CDH23: variants seen among roughly 807,000 people sequenced by gnomAD.
CDH23 encodes the protein cadherin related 23, also known as cadherin-23.
A neutral mutation model predicts 317.1 loss-of-function variants in CDH23; 189 were observed. The observed-to-expected ratio is 0.60, with a 90% CI of 0.53 to 0.67. CDH23 has a LOEUF of 0.67. Ranked by LOEUF, CDH23 falls within the 30% of genes least tolerant of loss-of-function variation. The pLI, the probability that CDH23 is intolerant of heterozygous loss-of-function variation, is 0.00. For missense variants in CDH23, 4,401 were observed against 4,592.4 expected (o/e 0.96, Z 1.20); for synonymous variants, 1,839 against 1,876.8 (o/e 0.98, Z 0.52).
intron 27 of CDH23, among the ~76,000 whole-genome samples, chr10:71,711,088 A>G (rs1173808107): frequency 1.3e-5 from 2 of 151,180 alleles, no homozygotes; most frequent in Non-Finnish European, 2.9e-5. Flanking sequence ...CAGCCCGCCC[A>G]TGCCCAGATG....
At chr10:71,727,222 G>T (rs1866854991) in intron 30 of CDH23, among the ~76,000 whole-genome samples, 1 of 152,182 alleles carries the variant, frequency 6.6e-6, no homozygotes, top group Non-Finnish European at 1.5e-5. Context: ...ACTTGTTCAG[G>T]GTCACACAGC....
intron 6 of CDH23, among the ~76,000 whole-genome samples, chr10:71,534,734 G>C (rs1390643051): frequency 1.3e-5 from 2 of 152,210 alleles, no homozygotes; most frequent in Admixed American, 6.5e-5. Flanking sequence ...CTGTCCAGTG[G>C]CTCTGTTCTG....
chr10:71,777,441 G>T (rs1027710417), intron 38 of CDH23, among the ~76,000 whole-genome samples: 1 of 151,934 alleles, frequency 6.6e-6, no homozygotes, highest in African/African-American at 2.4e-5. Flanking sequence ...GCTGGGGGTC[G>T]CAGACATAGG....
At chr10:71,543,046 T>G (rs1184096074) in intron 6 of CDH23, among the ~76,000 whole-genome samples, 1 of 152,206 alleles carries the variant, frequency 6.6e-6, no homozygotes, top group Non-Finnish European at 1.5e-5. Flanking sequence ...CTAAGGTCAT[T>G]GTAATGCAAG....
At chr10:71,761,417 G>C (rs933929434) in intron 38 of CDH23, among the ~76,000 whole-genome samples, 1 of 152,020 alleles carries the variant, frequency 6.6e-6, no homozygotes, top group African/African-American at 2.4e-5. Context: ...CATCACTCCA[G>C]CTAACTACAA....
At chr10:71,567,307 G>T (rs534656602) in intron 7 of CDH23, among the ~76,000 whole-genome samples, 1 of 152,334 alleles carries the variant, frequency 6.6e-6, no homozygotes, top group South Asian at 2.1e-4. Flanking sequence ...TCTTAGTGCA[G>T]AGTGCCTCTT....
intron 38 of CDH23, among the ~76,000 whole-genome samples, chr10:71,776,515 G>A (rs977900480): frequency 3.9e-5 from 6 of 152,128 alleles, no homozygotes; most frequent in Non-Finnish European, 5.9e-5. Flanking sequence ...ATTAGTTAGG[G>A]TCCTGGCAGG....
At chr10:71,771,430 C>A (rs2031152938) in intron 38 of CDH23, among the ~76,000 whole-genome samples, 1 of 152,188 alleles carries the variant, frequency 6.6e-6, no homozygotes, top group African/African-American at 2.4e-5. Context: ...GGCAACATAC[C>A]CAGGGCAACC....
At chr10:71,769,835 T>C (rs1162334631) in intron 38 of CDH23, among the ~76,000 whole-genome samples, 1 of 152,242 alleles carries the variant, frequency 6.6e-6, no homozygotes, top group African/African-American at 2.4e-5. Context: ...ACTGTCTTTG[T>C]CTTTGGTGAT....
chr10:71,651,772 AC>A (rs1398730571), intron 14 of CDH23, among the ~76,000 whole-genome samples: 1 of 151,878 alleles, frequency 6.6e-6, no homozygotes, highest in African/African-American at 2.4e-5. Context: ...AACCATCCAT[AC>A]CCCCTTGCCT....
chr10:71,436,304 G>A (rs1012221881), intron 1 of CDH23, among the ~76,000 whole-genome samples: 1 of 152,248 alleles, frequency 6.6e-6, no homozygotes, highest in Non-Finnish European at 1.5e-5. Context: ...GAGGTTGGGG[G>A]CCCAGTGTGC....
At chr10:71,646,433 C>T (rs1862862873) in intron 13 of CDH23, 26 bp from the exon 14 acceptor site, 1 of 1,610,444 alleles carries the variant, frequency 6.2e-7, no homozygotes. Context: ...TGGGAGCTTA[C>T]CTGGGCCCCT....
chr10:71,411,334 C>G (rs765691753), intron 1 of CDH23, among the ~76,000 whole-genome samples: 4 of 151,978 alleles, frequency 2.6e-5, no homozygotes, highest in Non-Finnish European at 5.9e-5. Flanking sequence ...GTGTAGCATT[C>G]TTATATTTTT....
chr10:71,488,323 G>A (rs1443022837), intron 3 of CDH23, among the ~76,000 whole-genome samples: 2 of 152,226 alleles, frequency 1.3e-5, no homozygotes, highest in Admixed American at 6.5e-5. Context: ...ACAAGATGCC[G>A]TAAATTTGGG....
chr10:71,486,804 C>CGGGGGTGTGCAGGAGTGAG (rs1852377221), intron 3 of CDH23, among the ~76,000 whole-genome samples: 1 of 152,050 alleles, frequency 6.6e-6, no homozygotes, highest in Non-Finnish European at 1.5e-5. Context: ...AGGAGGCTTA[C>CGGGGGTGTGCAGGAGTGAG]GGGGGTGTGC....
At chr10:71,568,226 C>A (rs897922591) in intron 7 of CDH23, among the ~76,000 whole-genome samples, 2 of 152,222 alleles carry the variant, frequency 1.3e-5, no homozygotes, top group Admixed American at 1.3e-4. Context: ...CTGTGTGCTG[C>A]TGTTTGTAAA....
chr10:71,727,232 C>T (rs192341992), intron 30 of CDH23, among the ~76,000 whole-genome samples: 2 of 152,342 alleles, frequency 1.3e-5, no homozygotes, highest in Admixed American at 6.5e-5. Context: ...GGTCACACAG[C>T]GGTAAGGGTG....
In CDH23 at chr10:71,645,866, G is replaced by GAAC; in HGVS notation, c.1180_1182dup (p.Asn394dup). ...GCATGTTTGAGGTGTACTTGGTGGG[G>GAAC]AACAACTCCCACCACTTCATCATCT... is the stretch of plus-strand genomic sequence containing the variant. On this transcript the variant is annotated inframe_insertion, in exon 13 of 70. Coordinates refer to ENST00000224721, the MANE Select transcript of CDH23 (RefSeq NM_022124.6). 6.2e-7 allele frequency: 1 copy of GAAC among 1,613,088 alleles called. No individual in the cohort carries two copies. Among genetic ancestry groups the GAAC allele is most frequent in the Non-Finnish European group, 8.5e-7 (1 of 1,179,224 alleles).
At chr10:71,773,395 T>G in intron 38 of CDH23, 1 of 1,609,974 alleles carries the variant, frequency 6.2e-7, no homozygotes, top group African/African-American at 1.3e-5. Context: ...AGAGCAGGGA[T>G]CCCCAGCGCC....
Sources: gnomAD v4.1 joint callset for allele counts (sites outside exome capture counted in the v4.1 genomes callset) on GRCh38, gnomAD v4.1.1 for gene constraint, MANE v1.5 for transcripts, NCBI Gene and HGNC (gene_info 2026-07-23, HGNC 2026-07-21) for gene names.